Variants in FHDC1 observed in about 807,000 individuals in gnomAD.
FHDC1 encodes the protein FH2 domain containing 1.
Under a neutral mutation model 52.6 loss-of-function variants are expected in FHDC1, and 25 were observed. That is an observed-to-expected ratio of 0.48 (90% CI 0.35 to 0.66). FHDC1 has a LOEUF of 0.66. FHDC1 is among the 30% of genes least tolerant of loss of function. FHDC1 has a pLI of 0.01. For missense variants in FHDC1, 1,459 were observed against 1,452.8 expected, an observed-to-expected ratio of 1.00 and a Z score of -0.07; for synonymous variants, 616 against 581.5, an observed-to-expected ratio of 1.06 and a Z score of -0.85.
chr4:152,944,336 G>GA (rs5863026), intron 2 of FHDC1, among the ~76,000 whole-genome samples: 59,670 of 151,788 alleles, frequency 0.39, 12,368 homozygotes, highest in Admixed American at 0.5. Context: ...CTACCTGCTA[G>GA]AAAAAATAAA....
chr4:152,959,563 C>G (rs1740210289), intron 4 of FHDC1, among the ~76,000 whole-genome samples: 1 of 152,066 alleles, frequency 6.6e-6, no homozygotes, highest in South Asian at 2.1e-4. Context: ...ATCCTATCAC[C>G]TAGTGTATGT....
the FHDC1 span, among the ~76,000 whole-genome samples, chr4:152,923,774 T>C: frequency 2.0e-5 from 3 of 151,926 alleles, no homozygotes; most frequent in African/African-American, 7.2e-5. Context: ...CCCTATGTAA[T>C]AAATGGTGCC....
upstream of FHDC1, among the ~76,000 whole-genome samples, chr4:152,935,830 GGTGTGT>G (rs35457762): frequency 7.6e-6 from 1 of 132,192 alleles, no homozygotes. Flanking sequence ...GGCGTGTGCG[GGTGTGT>G]GTGTGTGTGT....
At chr4:152,949,115 T>TAAGAAGAAGAAG (rs1458622582) in intron 2 of FHDC1, among the ~76,000 whole-genome samples, 151 of 77,150 alleles carry the variant, frequency 2.0e-3, no homozygotes, top group Middle Eastern at 0.016. Flanking sequence ...ATAATAATAA[T>TAAGAAGAAGAAG]AATAATAATA....
chr4:152,923,740 AAAAC>A, the FHDC1 span, among the ~76,000 whole-genome samples: 2 of 152,126 alleles, frequency 1.3e-5, no homozygotes, highest in Non-Finnish European at 2.9e-5. Flanking sequence ...AAACCTGAGA[AAAAC>A]AAGCAATGGG....
intron 8 of FHDC1, among the ~76,000 whole-genome samples, chr4:152,964,077 A>G (rs1740379292): frequency 6.6e-6 from 1 of 151,962 alleles, no homozygotes; most frequent in Non-Finnish European, 1.5e-5. Flanking sequence ...CAAGTTATTT[A>G]AACCTGAAGA....
the FHDC1 span, among the ~76,000 whole-genome samples, chr4:152,921,297 A>G: frequency 6.6e-6 from 1 of 152,048 alleles, no homozygotes; most frequent in Non-Finnish European, 1.5e-5. Context: ...AAAATTGGAA[A>G]TGACCCAGAC....
In FHDC1 at chr4:152,942,938, G is replaced by A; in HGVS notation, c.-120G>A. 1 of 1,066,320 alleles carries A rather than the reference G, an allele frequency of 9.4e-7. No individual in the cohort carries two copies. The highest frequency in any genetic ancestry group is 1.4e-6 in the Non-Finnish European group (1 of 735,034). 66.1% of individuals were successfully genotyped at this position (1,066,320 alleles called of 1,614,324 possible). On this transcript the variant is annotated 5_prime_UTR_variant, in exon 2 of 12. Transcript: ENST00000511601. The stretch of plus-strand genomic sequence containing the variant: ...ATTTTATCTTGCTAGGTTTGGAAGA[G>A]GACAGTTGCCCTTTATTCTGGCGGC...
chr4:152,960,592 G>A lies in FHDC1; in HGVS notation c.691G>A (p.Asp231Asn), dbSNP rs146915636. 770 of 1,614,076 alleles carry A rather than the reference G, an allele frequency of 4.8e-4. No homozygotes were observed. Among genetic ancestry groups the A allele is most frequent in the Non-Finnish European group, 5.4e-4 (637 of 1,180,002 alleles). The change falls in exon 5 of 12, where the codon GAC (aspartate) becomes AAC (asparagine). Residue 231 changes from aspartate (D) to asparagine (N), a missense_variant. Around this residue, in one of 3 missense-constraint regions of FHDC1, gnomAD observed 513 missense variants for 581.5 expected, o/e 0.88. Transcript: ENST00000511601. ...EVKKLKAFSG[D>N]VSKLSLADSF... is the part of the protein sequence containing the mutation. ...AAAGAAGTTAAAAGCGTTTAGTGGC[G>A]ACGTGTCGAAGCTGTCTCTGGCAGA...
upstream of FHDC1, among the ~76,000 whole-genome samples, chr4:152,933,974 G>C (rs928084906): frequency 2.0e-5 from 3 of 152,108 alleles, no homozygotes; most frequent in Admixed American, 2.0e-4. Context: ...CAGCAGTTTT[G>C]GGATGGATTT....
chr4:152,926,494 G>C, the FHDC1 span, among the ~76,000 whole-genome samples: 1 of 149,786 alleles, frequency 6.7e-6, no homozygotes, highest in East Asian at 2.0e-4. Flanking sequence ...CCAGGCTGAT[G>C]TGATGAAAAA....
chr4:152,974,997 A>G lies in FHDC1; in HGVS notation c.1706A>G (p.His569Arg), dbSNP rs749299316. 1.2e-6 allele frequency: 2 copies of G among 1,612,496 alleles called. No individual in the cohort carries two copies. Among genetic ancestry groups the G allele is most frequent in the Admixed American group, 3.3e-5 (2 of 60,016 alleles). ...AGCCCTGAGGAGCCCAATAAGTTCC[A>G]CAGCCTGCCCCGGAGCAGCCCCCGG... ...TGSPEEPNKF[H>R]SLPRSSPRQA... The change falls in exon 12 of 12, where the codon CAC becomes CGC. Residue 569 changes from histidine to arginine, a missense_variant. By Grantham distance (29) the His-to-Arg change is conservative. Coordinates refer to ENST00000511601, the MANE Select transcript of FHDC1 (RefSeq NM_001371116.1).
chr4:152,924,470 G>T, the FHDC1 span, among the ~76,000 whole-genome samples: 1 of 152,160 alleles, frequency 6.6e-6, no homozygotes, highest in Non-Finnish European at 1.5e-5. Context: ...CAGGGATCTA[G>T]AACTAGAAAT....
Position 152,943,296 on chromosome 4 carries a change from C to T in FHDC1, c.239C>T (p.Pro80Leu). 1 of 1,612,162 alleles carries T rather than the reference C, an allele frequency of 6.2e-7. No homozygotes were observed. Among genetic ancestry groups the T allele is most frequent in the Non-Finnish European group, 8.5e-7 (1 of 1,179,548 alleles). The change falls in exon 2 of 12, where the codon CCC becomes CTC. Residue 80 changes from proline to leucine, a missense_variant. Around this residue, in one of 3 missense-constraint regions of FHDC1, gnomAD observed 513 missense variants for 581.5 expected, o/e 0.88. Transcript: ENST00000511601. ...PPIPPPPPGL[P>L]PTTHMNGYSH... ...ATCCCACCTCCCCCACCAGGCCTAC[C>T]CCCAACTACTCACATGAACGGCTAC... is the stretch of plus-strand genomic sequence containing the variant.
intron 4 of FHDC1, among the ~76,000 whole-genome samples, chr4:152,956,915 C>A (rs949346065): frequency 2.0e-5 from 3 of 152,154 alleles, no homozygotes; most frequent in African/African-American, 7.2e-5. Context: ...GCAGGAGCCC[C>A]TTCCTAAACC....
At chr4:152,959,867 T>G (rs946165496) in intron 4 of FHDC1, among the ~76,000 whole-genome samples, 3 of 152,220 alleles carry the variant, frequency 2.0e-5, no homozygotes, top group Admixed American at 2.0e-4. Flanking sequence ...GGAACCCCGC[T>G]TTTCCAGAAG....
At chr4:152,917,627 G>A in the FHDC1 span, among the ~76,000 whole-genome samples, 1 of 152,090 alleles carries the variant, frequency 6.6e-6, no homozygotes, top group Admixed American at 6.5e-5. Context: ...TTGGAGAATT[G>A]AGTTTTAACC....
the FHDC1 span, chr4:152,928,140 G>T: frequency 8.5e-5 from 76 of 889,782 alleles, 1 homozygote; most frequent in South Asian, 5.4e-4. Context: ...GACAGTGAAG[G>T]CACCATCAAT....
At chr4:152,970,901 G>T (rs2149959397) in intron 10 of FHDC1, among the ~76,000 whole-genome samples, 1 of 152,242 alleles carries the variant, frequency 6.6e-6, no homozygotes, top group South Asian at 2.1e-4. Flanking sequence ...TCAAACAGCA[G>T]TTCTACCCCT....
Sources: allele counts gnomAD v4.1 joint callset (sites outside exome capture counted in the v4.1 genomes callset), GRCh38; gene constraint gnomAD v4.1.1; regional missense constraint gnomAD v4.1.1; transcripts MANE v1.5; gene names NCBI Gene and HGNC (gene_info 2026-07-23, HGNC 2026-07-21).